Variants in TPD52 observed in about 807,000 individuals in gnomAD.
TPD52 encodes tumor protein D52.
In TPD52, 17 loss-of-function variants were observed where a neutral mutation model predicts 31.3. The observed-to-expected ratio is 0.54, with a 90% CI of 0.37 to 0.82. The LOEUF (loss-of-function observed/expected upper bound fraction) is 0.82. Ranked by LOEUF, TPD52 falls within the 40% of genes least tolerant of loss-of-function variation. The pLI, the probability that TPD52 is intolerant of heterozygous loss-of-function variation, is 0.00. For missense variants in TPD52, 212 were observed against 240.1 expected, an observed-to-expected ratio of 0.88 and a Z score of 0.77; for synonymous variants, 83 against 89.6, an observed-to-expected ratio of 0.93 and a Z score of 0.42.
intron 1 of TPD52, among the ~76,000 whole-genome samples, chr8:80,115,426 A>C (rs1426015509): frequency 1.3e-5 from 2 of 152,236 alleles, no homozygotes; most frequent in Non-Finnish European, 2.9e-5. Context: ...AGAGCAAGAG[A>C]GCAGAAGCTA....
chr8:80,068,798 GAC>G (rs1322759918), intron 1 of TPD52, among the ~76,000 whole-genome samples: 1 of 152,154 alleles, frequency 6.6e-6, no homozygotes, highest in Non-Finnish European at 1.5e-5. Context: ...GACAAGCAGA[GAC>G]ACATCCCATC....
intron 7 of TPD52, 167 bp downstream of exon 7, chr8:80,042,453 T>C: frequency 2.0e-6 from 2 of 985,478 alleles, no homozygotes; most frequent in Non-Finnish European, 2.4e-6. Context: ...AAAAAGATAT[T>C]AAGTACATAA....
intron 1 of TPD52, among the ~76,000 whole-genome samples, chr8:80,143,241 C>A (rs1435198999): frequency 2.6e-5 from 4 of 152,182 alleles, no homozygotes; most frequent in African/African-American, 9.7e-5. Flanking sequence ...TCACTCACTT[C>A]TTTTCCCCTC....
intron 1 of TPD52, among the ~76,000 whole-genome samples, chr8:80,078,094 T>C (rs941412440): frequency 1.3e-5 from 2 of 152,296 alleles, no homozygotes; most frequent in East Asian, 3.9e-4. Flanking sequence ...TATGGGTTGG[T>C]TGTGTCAAAG....
At chr8:80,062,882 T>C (rs1248540585) in intron 2 of TPD52, among the ~76,000 whole-genome samples, 2 of 152,122 alleles carry the variant, frequency 1.3e-5, no homozygotes, top group Non-Finnish European at 2.9e-5. Context: ...GGCAGGAGGA[T>C]TGCTTGGCCC....
At chr8:80,141,451 G>T (rs867828014) in intron 1 of TPD52, among the ~76,000 whole-genome samples, 4 of 152,128 alleles carry the variant, frequency 2.6e-5, no homozygotes, top group African/African-American at 9.7e-5. Context: ...CTGGGGTGAG[G>T]AACTGGCACC....
At chr8:80,084,814 G>GT (rs1156919308) in intron 1 of TPD52, among the ~76,000 whole-genome samples, 10 of 152,048 alleles carry the variant, frequency 6.6e-5, no homozygotes, top group Admixed American at 6.5e-5. Flanking sequence ...CCCTTTTCCT[G>GT]TAAGTTCCTA....
chr8:80,165,658 A>T (rs1586432423), intron 1 of TPD52, among the ~76,000 whole-genome samples: 1 of 152,194 alleles, frequency 6.6e-6, no homozygotes, highest in African/African-American at 2.4e-5. Flanking sequence ...GCATAAAGAA[A>T]CCTTGCTAAA....
downstream of TPD52, chr8:80,034,614 AT>A (rs1809785588): frequency 6.6e-6 from 1 of 152,254 alleles, no homozygotes; most frequent in Admixed American, 6.5e-5. Flanking sequence ...AGACAATAGC[AT>A]TTAGGAGCTG....
At chr8:80,063,719 C>T (rs1368911334) in intron 2 of TPD52, among the ~76,000 whole-genome samples, 1 of 151,898 alleles carries the variant, frequency 6.6e-6, no homozygotes. Context: ...ATCACTTGAA[C>T]CCAGGAGCCA....
intron 1 of TPD52, among the ~76,000 whole-genome samples, chr8:80,140,899 T>C (rs1809782862): frequency 1.3e-5 from 2 of 151,380 alleles, no homozygotes; most frequent in South Asian, 4.2e-4. Flanking sequence ...AGTTCTGTCA[T>C]ACCGGCAGGA....
At chr8:80,056,603 C>T (rs895104091) in intron 2 of TPD52, among the ~76,000 whole-genome samples, 1 of 152,074 alleles carries the variant, frequency 6.6e-6, no homozygotes, top group African/African-American at 2.4e-5. Flanking sequence ...TGAAAAGATG[C>T]TTAACACCAT....
chr8:80,080,877 A>T (rs777211320), intron 1 of TPD52: 84 of 538,072 alleles, frequency 1.6e-4, no homozygotes, highest in Non-Finnish European at 2.0e-4. Context: ...ATAAATAAAT[A>T]AAAAAATCAG....
chr8:80,146,422 G>A (rs1236110671), intron 1 of TPD52, among the ~76,000 whole-genome samples: 1 of 152,318 alleles, frequency 6.6e-6, no homozygotes, highest in East Asian at 1.9e-4. Flanking sequence ...AGTTTATAAA[G>A]GGTCTAGTAA....
chr8:80,162,758 A>C (rs185237776), intron 1 of TPD52, among the ~76,000 whole-genome samples: 298 of 152,144 alleles, frequency 2.0e-3, no homozygotes, highest in Middle Eastern at 3.4e-3. Flanking sequence ...TCAACAACTA[A>C]TCTGATCAAA....
At chr8:80,126,143 GTTTCA>G (rs1808581929) in intron 1 of TPD52, among the ~76,000 whole-genome samples, 1 of 152,028 alleles carries the variant, frequency 6.6e-6, no homozygotes, top group Non-Finnish European at 1.5e-5. Context: ...TCTATATTTT[GTTTCA>G]TTTATTTTGA....
At chr8:80,086,731 G>C (rs893370736) in intron 1 of TPD52, among the ~76,000 whole-genome samples, 3 of 151,760 alleles carry the variant, frequency 2.0e-5, no homozygotes, top group African/African-American at 7.3e-5. Flanking sequence ...AAAATTAGCT[G>C]GTTGGGGGGG....
chr8:80,117,566 C>G (rs1430170700), intron 1 of TPD52, among the ~76,000 whole-genome samples: 3 of 152,098 alleles, frequency 2.0e-5, no homozygotes, highest in Non-Finnish European at 4.4e-5. Context: ...ACCTCTCAAT[C>G]AATTTACAGA....
chr8:80,112,162 G>T (rs552193468), intron 1 of TPD52, among the ~76,000 whole-genome samples: 2 of 152,334 alleles, frequency 1.3e-5, no homozygotes, highest in Non-Finnish European at 2.9e-5. Context: ...CAGAGATTAT[G>T]ATTGAATACA....
Sources: gnomAD v4.1 joint callset for allele counts (sites outside exome capture counted in the v4.1 genomes callset) on GRCh38, gnomAD v4.1.1 for gene constraint, MANE v1.5 for transcripts, NCBI Gene and HGNC (gene_info 2026-07-23, HGNC 2026-07-21) for gene names.